The following MATCAP2 variants were observed in gnomAD, a reference collection of about 807,000 sequenced individuals.
MATCAP2 encodes the protein putative tyrosine carboxypeptidase MATCAP2.
the MATCAP2 span, among the ~76,000 whole-genome samples, chr7:36,375,168 C>T: frequency 6.6e-6 from 1 of 152,148 alleles, no homozygotes; most frequent in Admixed American, 6.6e-5. Context: ...AGTGTAAAAG[C>T]GTTCCTATTT....
the MATCAP2 span, among the ~76,000 whole-genome samples, chr7:36,347,713 T>A: frequency 1.0e-3 from 153 of 152,180 alleles, 1 homozygote; most frequent in Non-Finnish European, 2.0e-3. Flanking sequence ...GGGTTTTAAT[T>A]TCAGAATTTA....
chr7:36,324,899 C>T, the MATCAP2 span: 1 of 152,186 alleles, frequency 6.6e-6, no homozygotes, highest in African/African-American at 2.4e-5. Flanking sequence ...ATCCGACCAA[C>T]AGGAAATTAA....
chr7:36,363,122 TAAAAGAAA>T, the MATCAP2 span, among the ~76,000 whole-genome samples: 1 of 152,048 alleles, frequency 6.6e-6, no homozygotes, highest in Admixed American at 6.6e-5. Context: ...CCCAGGAAGG[TAAAAGAAA>T]AATGAAACAA....
chr7:36,366,930 G>A, the MATCAP2 span: 1 of 1,433,352 alleles, frequency 7.0e-7, no homozygotes, highest in Non-Finnish European at 9.0e-7. Context: ...CACGCGAATG[G>A]ACTCCAGCAT....
chr7:36,334,291 C>G, the MATCAP2 span: 1 of 695,474 alleles, frequency 1.4e-6, no homozygotes, highest in Non-Finnish European at 2.4e-6. Context: ...AATCCCAGCA[C>G]TTTGGAAGGC....
the MATCAP2 span, chr7:36,334,946 T>C: frequency 8.7e-7 from 1 of 1,147,342 alleles, no homozygotes; most frequent in African/African-American, 1.6e-5. Context: ...ACTAAGAAAA[T>C]AAAATAAATA....
chr7:36,384,337 G>A, the MATCAP2 span, among the ~76,000 whole-genome samples: 1 of 152,048 alleles, frequency 6.6e-6, no homozygotes, highest in African/African-American at 2.4e-5. Context: ...TAAATAACTT[G>A]GGAAGTTTTG....
the MATCAP2 span, chr7:36,390,029 G>A: frequency 3.0e-5 from 48 of 1,613,962 alleles, no homozygotes; most frequent in African/African-American, 9.3e-5. Context: ...CTGGGGCGAT[G>A]GATCCGTTTA....
chr7:36,358,714 T>C, the MATCAP2 span, among the ~76,000 whole-genome samples: 8 of 152,230 alleles, frequency 5.3e-5, no homozygotes, highest in Non-Finnish European at 1.2e-4. Flanking sequence ...ATTCAGCACA[T>C]GGCTCTGATA....
At chr7:36,339,845 T>A in the MATCAP2 span, among the ~76,000 whole-genome samples, 1 of 152,226 alleles carries the variant, frequency 6.6e-6, no homozygotes, top group Non-Finnish European at 1.5e-5. Context: ...ATAGATATTT[T>A]TTTTATTTTC....
At chr7:36,356,795 T>C in the MATCAP2 span, 17 of 972,958 alleles carry the variant, frequency 1.7e-5, no homozygotes, top group Middle Eastern at 2.1e-4. Context: ...AACCATAACA[T>C]AGAAATAATT....
the MATCAP2 span, among the ~76,000 whole-genome samples, chr7:36,377,024 A>G: frequency 6.6e-6 from 1 of 152,180 alleles, no homozygotes; most frequent in Non-Finnish European, 1.5e-5. Context: ...TCCTGAATAC[A>G]GCACACTGAT....
chr7:36,381,477 C>A, the MATCAP2 span, among the ~76,000 whole-genome samples: 1 of 151,964 alleles, frequency 6.6e-6, no homozygotes, highest in Non-Finnish European at 1.5e-5. Context: ...TTGAGACCAG[C>A]CTGGCCAACA....
the MATCAP2 span, chr7:36,336,377 G>A: frequency 9.1e-7 from 1 of 1,095,418 alleles, no homozygotes; most frequent in Middle Eastern, 2.4e-4. Flanking sequence ...GTTATTTATT[G>A]TGACCTATTC....
the MATCAP2 span, among the ~76,000 whole-genome samples, chr7:36,348,396 A>G: frequency 6.6e-6 from 1 of 152,232 alleles, no homozygotes; most frequent in Non-Finnish European, 1.5e-5. Context: ...AAAGCTACTG[A>G]TTATAAGACA....
At chr7:36,375,207 T>G in the MATCAP2 span, among the ~76,000 whole-genome samples, 2 of 152,188 alleles carry the variant, frequency 1.3e-5, no homozygotes, top group African/African-American at 2.4e-5. Context: ...ACCTGTTGTT[T>G]CCTGACTTTT....
chr7:36,390,175 G>C, the MATCAP2 span: 1 of 1,513,204 alleles, frequency 6.6e-7, no homozygotes, highest in Non-Finnish European at 9.0e-7. Context: ...CAGTGTGTGC[G>C]GGCCGGGGTC....
the MATCAP2 span, among the ~76,000 whole-genome samples, chr7:36,329,039 G>C: frequency 6.6e-6 from 1 of 151,724 alleles, no homozygotes; most frequent in Non-Finnish European, 1.5e-5. Context: ...CAAAAACTCC[G>C]TATCAAAAAA....
the MATCAP2 span, among the ~76,000 whole-genome samples, chr7:36,353,293 C>T: frequency 1.3e-5 from 2 of 152,142 alleles, no homozygotes; most frequent in African/African-American, 4.8e-5. Context: ...AAAGATGCTA[C>T]AGGTCTTTTG....
Sources: allele counts gnomAD v4.1 joint callset (sites outside exome capture counted in the v4.1 genomes callset), GRCh38; gene constraint gnomAD v4.1.1; transcripts MANE v1.5; gene names NCBI Gene and HGNC (gene_info 2026-07-23, HGNC 2026-07-21).